RBFOX1: variants seen among roughly 807,000 people sequenced by gnomAD.
The protein encoded by RBFOX1 is RNA binding protein fox-1 homolog 1.
RBFOX1 carries 8 observed loss-of-function variants against 57.7 expected under a neutral mutation model. That is an observed-to-expected ratio of 0.14 (90% CI 0.08 to 0.25). The LOEUF is 0.25. Among genes scored for constraint, RBFOX1 ranks in the 10% least tolerant of loss-of-function variants. The pLI is 1.00. For synonymous variants in RBFOX1, 326 were observed against 222.4 expected (o/e 1.47, Z -4.15); for missense variants, 611 against 548.5 (o/e 1.11, Z -1.14).
At chr16:5,910,337 A>C (rs2058574618) in intron 4 of RBFOX1, among the ~76,000 whole-genome samples, 1 of 152,062 alleles carries the variant, frequency 6.6e-6, no homozygotes, top group South Asian at 2.1e-4. Flanking sequence ...TAGCACCCCA[A>C]ATTCAGTGCA....
intron 1 of RBFOX1, among the ~76,000 whole-genome samples, chr16:6,305,069 A>G (rs1284685496): frequency 6.6e-6 from 1 of 152,162 alleles, no homozygotes; most frequent in Non-Finnish European, 1.5e-5. Context: ...AGCTAATCAC[A>G]GCCCCATGGC....
intron 1 of RBFOX1, among the ~76,000 whole-genome samples, chr16:6,235,546 G>T (rs1035531268): frequency 9.0e-5 from 11 of 121,912 alleles, no homozygotes; most frequent in Admixed American, 2.9e-4. Context: ...TGGTGTGTGT[G>T]TGCGTGTATG....
At chr16:7,390,254 T>A (rs1358646706) in intron 4 of RBFOX1, among the ~76,000 whole-genome samples, 1 of 152,088 alleles carries the variant, frequency 6.6e-6, no homozygotes, top group African/African-American at 2.4e-5. Context: ...GACATGAGAT[T>A]TGGGGAGGGA....
At chr16:7,005,813 CATGAG>C (rs2093249043) in intron 3 of RBFOX1, among the ~76,000 whole-genome samples, 2 of 152,196 alleles carry the variant, frequency 1.3e-5, no homozygotes, top group South Asian at 2.1e-4. Context: ...TTCTGGCTCA[CATGAG>C]TGACTGCTGC....
chr16:6,184,045 C>T (rs1200145090), intron 1 of RBFOX1, among the ~76,000 whole-genome samples: 5 of 152,140 alleles, frequency 3.3e-5, no homozygotes, highest in African/African-American at 1.2e-4. Context: ...AGGCAAAAGG[C>T]ATGTTTTACA....
intron 1 of RBFOX1, among the ~76,000 whole-genome samples, chr16:6,284,106 A>G (rs1368755847): frequency 2.6e-5 from 4 of 152,210 alleles, no homozygotes; most frequent in Non-Finnish European, 4.4e-5. Context: ...CTCACACAAC[A>G]TCTAGGCCAT....
chr16:5,875,550 G>A (rs1274302465), intron 4 of RBFOX1, among the ~76,000 whole-genome samples: 1 of 152,192 alleles, frequency 6.6e-6, no homozygotes, highest in African/African-American at 2.4e-5. Context: ...ATTATTTGGT[G>A]CGTAAGTAGT....
At chr16:7,333,028 G>C in intron 4 of RBFOX1, 1 of 1,613,794 alleles carries the variant, frequency 6.2e-7, no homozygotes, top group Non-Finnish European at 8.5e-7. Context: ...GAGTTCTCCT[G>C]CATCCTTATG....
At chr16:7,513,830 A>T (rs559966608) in intron 4 of RBFOX1, among the ~76,000 whole-genome samples, 1 of 152,318 alleles carries the variant, frequency 6.6e-6, no homozygotes, top group South Asian at 2.1e-4. Flanking sequence ...GCAGATTTAA[A>T]GCCTGTGTGC....
intron 3 of RBFOX1, among the ~76,000 whole-genome samples, chr16:6,939,419 C>G (rs2077948937): frequency 1.3e-5 from 2 of 150,582 alleles, no homozygotes; most frequent in South Asian, 2.1e-4. Flanking sequence ...ATATATGTAG[C>G]TATATATAGT....
At chr16:6,956,784 G>A (rs1181519178) in intron 3 of RBFOX1, among the ~76,000 whole-genome samples, 1 of 152,176 alleles carries the variant, frequency 6.6e-6, no homozygotes, top group Non-Finnish European at 1.5e-5. Flanking sequence ...ATACCGCTTG[G>A]GGTATCTCAT....
At chr16:7,658,171 A>G (rs940086561) in intron 12 of RBFOX1, among the ~76,000 whole-genome samples, 1 of 152,156 alleles carries the variant, frequency 6.6e-6, no homozygotes, top group Non-Finnish European at 1.5e-5. Context: ...TAGCGACTTT[A>G]TTAACCACCC....
intron 4 of RBFOX1, among the ~76,000 whole-genome samples, chr16:7,172,257 G>A (rs1352389635): frequency 6.6e-6 from 1 of 151,852 alleles, no homozygotes; most frequent in East Asian, 1.9e-4. Flanking sequence ...ACCACCATAG[G>A]GTTTTCAAAC....
intron 3 of RBFOX1, among the ~76,000 whole-genome samples, chr16:5,703,892 T>C (rs779571566): frequency 5.9e-5 from 9 of 152,208 alleles, no homozygotes; most frequent in Non-Finnish European, 1.2e-4. Flanking sequence ...ACAAAGGTGC[T>C]TAGCATATTC....
Position 6,269,537 on chromosome 16 carries a change from G to C in RBFOX1, c.-126-47458G>C, listed in dbSNP as rs2074955435. Among the ~76,000 whole-genome samples, 4 of 152,284 alleles carry C rather than the reference G, an allele frequency of 2.6e-5. No individual in the cohort carries two copies. The South Asian group carries it at 8.3e-4, about 32-fold the overall frequency. Reference sequence around the variant, plus strand: ...TATAGGAGGAAACCCATTTGAAAGAGAACAGATTTCTCATCAGAAGCCACA... The same window carrying C: ...TATAGGAGGAAACCCATTTGAAAGACAACAGATTTCTCATCAGAAGCCACA... On this transcript the variant is annotated intron_variant, in intron 1 of 15. Transcript: ENST00000550418.
At chr16:6,952,182 G>C (rs150573203) in intron 3 of RBFOX1, among the ~76,000 whole-genome samples, 16 of 152,276 alleles carry the variant, frequency 1.1e-4, no homozygotes, top group African/African-American at 3.9e-4. Flanking sequence ...GGCACTCTGA[G>C]AGAAGGAATC....
At chr16:7,622,878 G>A (rs578176448) in intron 10 of RBFOX1, among the ~76,000 whole-genome samples, 9 of 152,288 alleles carry the variant, frequency 5.9e-5, no homozygotes, top group East Asian at 3.9e-4. Context: ...TCAGGCTGGT[G>A]TAAAAGCATT....
intron 1 of RBFOX1, among the ~76,000 whole-genome samples, chr16:5,260,352 A>T (rs889228183): frequency 6.6e-6 from 1 of 152,246 alleles, no homozygotes; most frequent in South Asian, 2.1e-4. Flanking sequence ...AGTGAGCAGC[A>T]TTCCTTGCTA....
chr16:6,851,123 A>G (rs1475550027), intron 3 of RBFOX1, among the ~76,000 whole-genome samples: 1 of 152,062 alleles, frequency 6.6e-6, no homozygotes, highest in African/African-American at 2.4e-5. Context: ...TGGTGAGTGG[A>G]AAAAAAGCCC....
Sources: gnomAD v4.1 joint callset for allele counts (sites outside exome capture counted in the v4.1 genomes callset) on GRCh38, gnomAD v4.1.1 for gene constraint, MANE v1.5 for transcripts, NCBI Gene and HGNC (gene_info 2026-07-23, HGNC 2026-07-21) for gene names.